The following SPTBN1 variants were observed in gnomAD, a reference collection of about 807,000 sequenced individuals.
The protein encoded by SPTBN1 is spectrin beta, non-erythrocytic 1.
Under a neutral mutation model 266.4 loss-of-function variants are expected in SPTBN1, and 32 were observed. That is an observed-to-expected ratio of 0.12 (90% CI 0.09 to 0.16). The LOEUF is 0.16. SPTBN1 is among the 10% of genes least tolerant of loss of function. The pLI, the probability that SPTBN1 is intolerant of heterozygous loss-of-function variation, is 1.00. For synonymous variants in SPTBN1, 1,336 were observed against 1,162.2 expected (o/e 1.15, Z -3.04); for missense variants, 2,296 against 3,067.1 (o/e 0.75, Z 5.94).
At chr2:54,529,480 C>T in intron 2 of SPTBN1, 1 of 715,826 alleles carries the variant, frequency 1.4e-6, no homozygotes, top group Non-Finnish European at 2.6e-6. Flanking sequence ...TGTCACCCAC[C>T]TTCCAGCGGC....
intron 17 of SPTBN1, among the ~76,000 whole-genome samples, chr2:54,635,226 C>T (rs945512649): frequency 1.3e-5 from 2 of 152,244 alleles, no homozygotes; most frequent in African/African-American, 2.4e-5. Flanking sequence ...AGGCCCTTCC[C>T]TGTAATTGAA....
intron 1 of SPTBN1, among the ~76,000 whole-genome samples, chr2:54,516,716 C>T (rs1474178946): frequency 6.6e-6 from 1 of 152,178 alleles, no homozygotes; most frequent in Non-Finnish European, 1.5e-5. Context: ...ATGTCTGAGA[C>T]AAGTCTCAGT....
At chr2:54,567,705 C>T (rs2104505076) in intron 2 of SPTBN1, among the ~76,000 whole-genome samples, 1 of 152,222 alleles carries the variant, frequency 6.6e-6, no homozygotes, top group Non-Finnish European at 1.5e-5. Flanking sequence ...GCCTCTCATC[C>T]ACTTCTTAAA....
At chr2:54,504,432 T>G (rs1419525901) in intron 1 of SPTBN1, among the ~76,000 whole-genome samples, 1 of 152,188 alleles carries the variant, frequency 6.6e-6, no homozygotes, top group South Asian at 2.1e-4. Context: ...ATCCATGGCT[T>G]CTGCATCTGT....
chr2:54,587,842 G>A (rs975362771), intron 2 of SPTBN1, among the ~76,000 whole-genome samples: 11 of 152,114 alleles, frequency 7.2e-5, no homozygotes, highest in African/African-American at 2.7e-4. Flanking sequence ...ACTCCGCTGG[G>A]GAGTGGAAGG....
At chr2:54,589,375 G>C (rs1345436910) in intron 2 of SPTBN1, among the ~76,000 whole-genome samples, 1 of 152,110 alleles carries the variant, frequency 6.6e-6, no homozygotes, top group Non-Finnish European at 1.5e-5. Flanking sequence ...GCAGTGCCTT[G>C]GTCTCCACAT....
intron 19 of SPTBN1, 145 bp from the exon 20 acceptor site, chr2:54,644,178 T>C (rs1336703937): frequency 3.3e-5 from 34 of 1,016,020 alleles, no homozygotes; most frequent in South Asian, 3.2e-4. Context: ...GTTGATTTTA[T>C]TGAGCAGTAA....
chr2:54,546,667 C>T (rs755276297), intron 2 of SPTBN1: 3 of 152,168 alleles, frequency 2.0e-5, no homozygotes, highest in Admixed American at 6.5e-5. Flanking sequence ...TAAACTCTAT[C>T]GCACTGCACA....
chr2:54,547,143 C>G (rs1030939779), intron 2 of SPTBN1, among the ~76,000 whole-genome samples: 1 of 152,172 alleles, frequency 6.6e-6, no homozygotes, highest in African/African-American at 2.4e-5. Context: ...CCCCCAGCTC[C>G]TGGCAACCAC....
chr2:54,646,409 C>T lies in SPTBN1; in HGVS notation c.4800C>T (p.Asp1600=), dbSNP rs372387702. ...ACAGGGCCCAGCAGTACTACTTTGA[C>T]GCTGCTGAGGCCGAAGCCTGGATGA... ...EAHRAQQYYF[D]AAEAEAWMSE... Residue 1600 remains aspartate (D), a synonymous_variant, in exon 23 of 36, where the codon GAC becomes GAT. Transcript: ENST00000356805. This position sits in a 1 kb window ranked among gnomAD's most constrained non-coding sequence, Gnocchi z 4.4. 1.9e-5 allele frequency: 30 copies of T among 1,601,792 alleles called. No individual in the cohort carries two copies. The highest frequency in any genetic ancestry group is 6.9e-5 in the Admixed American group (4 of 57,698).
chr2:54,575,274 G>T (rs1479360813), intron 2 of SPTBN1, among the ~76,000 whole-genome samples: 2 of 152,192 alleles, frequency 1.3e-5, no homozygotes, highest in African/African-American at 4.8e-5. Flanking sequence ...ACAGCTGAAA[G>T]AAACCAGTCA....
chr2:54,538,500 A>T (rs879775685), intron 2 of SPTBN1, among the ~76,000 whole-genome samples: 15 of 152,260 alleles, frequency 9.9e-5, no homozygotes, highest in Admixed American at 8.5e-4. Context: ...ATGAATTAAT[A>T]TGAAAGTGTT....
At chr2:54,494,348 C>G (rs1377104713) in intron 1 of SPTBN1, among the ~76,000 whole-genome samples, 1 of 152,040 alleles carries the variant, frequency 6.6e-6, no homozygotes, top group Non-Finnish European at 1.5e-5. Flanking sequence ...ACAGTATGAC[C>G]TGTGATATTA....
intron 10 of SPTBN1, 109 bp downstream of exon 10, chr2:54,623,705 C>T: frequency 1.2e-6 from 1 of 862,700 alleles, no homozygotes; most frequent in Non-Finnish European, 1.8e-6. Context: ...GCTGTCCCCA[C>T]CTGCCGAATT....
At chr2:54,487,774 T>A (rs1162590297) in intron 1 of SPTBN1, among the ~76,000 whole-genome samples, 1 of 151,460 alleles carries the variant, frequency 6.6e-6, no homozygotes, top group Non-Finnish European at 1.5e-5. Flanking sequence ...GAATTTCACA[T>A]TCTTAAATTG....
At chr2:54,651,240 C>T (rs1043440334) in intron 26 of SPTBN1, among the ~76,000 whole-genome samples, 1 of 152,174 alleles carries the variant, frequency 6.6e-6, no homozygotes, top group African/African-American at 2.4e-5. Flanking sequence ...GAGTTGCTCT[C>T]TCATTTTTTC....
intron 17 of SPTBN1, among the ~76,000 whole-genome samples, chr2:54,636,777 T>C (rs1679172194): frequency 6.6e-6 from 1 of 152,258 alleles, no homozygotes; most frequent in Non-Finnish European, 1.5e-5. Context: ...TTTATCCATC[T>C]TAATACCCTG....
At chr2:54,526,039 A>G (rs1670795650) in intron 1 of SPTBN1, among the ~76,000 whole-genome samples, 1 of 152,254 alleles carries the variant, frequency 6.6e-6, no homozygotes, top group South Asian at 2.1e-4. Flanking sequence ...GCCCTCTGAT[A>G]ACATTTTTAA....
At chr2:54,642,896 A>T in intron 18 of SPTBN1, 87 bp from the exon 19 acceptor site, 1 of 1,501,482 alleles carries the variant, frequency 6.7e-7, no homozygotes, top group South Asian at 1.3e-5. Flanking sequence ...TAGTATGCAT[A>T]ATATGACATA....
Sources: allele counts gnomAD v4.1 joint callset (sites outside exome capture counted in the v4.1 genomes callset), GRCh38; gene constraint gnomAD v4.1.1; non-coding constraint Gnocchi (gnomAD v3.1); transcripts MANE v1.5; gene names NCBI Gene and HGNC (gene_info 2026-07-23, HGNC 2026-07-21).